SRD5A3: variants seen among roughly 807,000 people sequenced by gnomAD.
The protein encoded by SRD5A3 is polyprenal reductase.
A neutral mutation model predicts 34.3 loss-of-function variants in SRD5A3; 24 were observed. That is an observed-to-expected ratio of 0.70 (90% CI 0.51 to 0.99). The LOEUF (loss-of-function observed/expected upper bound fraction) is 0.99, where lower values mean the gene tolerates loss of function less well. SRD5A3 is among the 50% of genes least tolerant of loss of function. The pLI is 0.00. For missense variants in SRD5A3, 350 were observed against 388.2 expected, an observed-to-expected ratio of 0.90 and a Z score of 0.83; for synonymous variants, 161 against 167.3, an observed-to-expected ratio of 0.96 and a Z score of 0.29.
At chr4:55,360,478 G>A (rs576208217) in intron 2 of SRD5A3, among the ~76,000 whole-genome samples, 1 of 151,512 alleles carries the variant, frequency 6.6e-6, no homozygotes, top group Admixed American at 6.6e-5. Context: ...TGCACTCCAC[G>A]CCTGGGCAAC....
At chr4:55,360,616 G>A (rs1178065643) in intron 2 of SRD5A3, among the ~76,000 whole-genome samples, 1 of 151,886 alleles carries the variant, frequency 6.6e-6, no homozygotes, top group Non-Finnish European at 1.5e-5. Context: ...TGACTAAACA[G>A]TTGTTGAACA....
intron 2 of SRD5A3, among the ~76,000 whole-genome samples, chr4:55,362,553 C>T (rs1461995934): frequency 6.6e-6 from 1 of 151,930 alleles, no homozygotes; most frequent in Non-Finnish European, 1.5e-5. Flanking sequence ...CTCCTGGGCT[C>T]GAGCAGTCCT....
chr4:55,367,823 G>A (rs1169999780), intron 4 of SRD5A3, 101 bp downstream of exon 4: 5 of 1,469,204 alleles, frequency 3.4e-6, no homozygotes, highest in Non-Finnish European at 3.8e-6. Context: ...TTAGTTGACT[G>A]TATCAAATAT....
At chr4:55,354,151 C>T (rs1719331676) in intron 1 of SRD5A3, among the ~76,000 whole-genome samples, 1 of 152,150 alleles carries the variant, frequency 6.6e-6, no homozygotes, top group African/African-American at 2.4e-5. Flanking sequence ...GGCTGGAGTG[C>T]AGTGGCGCAA....
At chr4:55,366,122 T>C (rs536351911) in intron 3 of SRD5A3, among the ~76,000 whole-genome samples, 101 of 152,326 alleles carry the variant, frequency 6.6e-4, no homozygotes, top group African/African-American at 2.4e-3. Context: ...AAACAAATAA[T>C]TAAATACTGA....
chr4:55,367,189 A>T (rs1369078584), intron 3 of SRD5A3: 3 of 256,898 alleles, frequency 1.2e-5, no homozygotes, highest in African/African-American at 6.7e-5. Flanking sequence ...AAGAAGACTT[A>T]AAACTGGACT....
chr4:55,365,147 A>G (rs1378543168), intron 3 of SRD5A3, among the ~76,000 whole-genome samples: 1 of 151,678 alleles, frequency 6.6e-6, no homozygotes, highest in African/African-American at 2.4e-5. Context: ...GTCAGTCTAG[A>G]CCCCGTAGGT....
Position 55,370,105 on chromosome 4 carries a change from AT to A in SRD5A3, c.*15del. On this transcript the variant is annotated 3_prime_UTR_variant, in exon 5 of 5. Coordinates refer to ENST00000264228, the MANE Select transcript of SRD5A3 (RefSeq NM_024592.5). ...TTTTTGTTTTAAGTTAACCTCAGTC[AT>A]GAAGAATGCAAACCAGGTGATGGTT... 6.2e-7 allele frequency: 1 copy of A among 1,612,490 alleles called. No individual in the cohort carries two copies.
chr4:55,361,226 C>T (rs1719674609), intron 2 of SRD5A3, among the ~76,000 whole-genome samples: 2 of 152,012 alleles, frequency 1.3e-5, no homozygotes, highest in Admixed American at 6.6e-5. Flanking sequence ...TCATGCCTCT[C>T]ATCCCAGCAC....
intron 1 of SRD5A3, chr4:55,359,050 G>A: frequency 5.1e-6 from 2 of 391,676 alleles, no homozygotes; most frequent in East Asian, 6.1e-5. Flanking sequence ...GTCCAATTCT[G>A]TTACCCAGCA....
At chr4:55,362,590 G>T (rs1250894508) in intron 2 of SRD5A3, among the ~76,000 whole-genome samples, 1 of 151,690 alleles carries the variant, frequency 6.6e-6, no homozygotes, top group Non-Finnish European at 1.5e-5. Context: ...GAGTAGTTGG[G>T]ACTACAGGTG....
chr4:55,361,517 G>A (rs924899281), intron 2 of SRD5A3, among the ~76,000 whole-genome samples: 5 of 150,758 alleles, frequency 3.3e-5, no homozygotes, highest in Non-Finnish European at 5.9e-5. Flanking sequence ...AAACCCTGCC[G>A]GGAACAGTGG....
chr4:55,373,008 A>G lies in SRD5A3; in HGVS notation c.*2917A>G, dbSNP rs1720182393. ...ATATTTAGTTTAAGGAGACTGCAAC[A>G]TTTGCATAAGGTGCCTAAAAACTCA... On this transcript the variant is annotated 3_prime_UTR_variant, in exon 5 of 5. Transcript: ENST00000264228. 6.6e-6 allele frequency: 1 copy of G among 152,156 alleles called. No homozygotes were observed. The highest frequency in any genetic ancestry group is 1.5e-5 in the Non-Finnish European group (1 of 68,030). 9.4% of individuals were successfully genotyped at this position (152,156 alleles called of 1,614,324 possible).
chr4:55,352,015 T>C, intron 1 of SRD5A3: 1 of 766,196 alleles, frequency 1.3e-6, no homozygotes, highest in South Asian at 1.3e-5. Context: ...TACATGGTAA[T>C]CCTTCAAATC....
At chr4:55,346,672 T>C (rs1344883534) in intron 1 of SRD5A3, 115 bp downstream of exon 1, 3 of 1,019,894 alleles carry the variant, frequency 2.9e-6, no homozygotes, top group Non-Finnish European at 4.0e-6. Flanking sequence ...TGGGAGGCCC[T>C]GGCGGGTTCC....
In SRD5A3 at chr4:55,371,994, A is replaced by G. The variant is rs1265788833; in HGVS notation, c.*1903A>G. On this transcript the variant is annotated 3_prime_UTR_variant, in exon 5 of 5. Transcript: ENST00000264228. ...TTGGAAAGTTCTTACAACAATTCTG[A>G]TGGAGGATTTTCTCTCCCATCAACC... The G allele has an allele frequency of 6.6e-6, 1 of 152,202 alleles. No homozygotes were observed. Among genetic ancestry groups the G allele is most frequent in the Non-Finnish European group, 1.5e-5 (1 of 68,038 alleles). 9.4% of individuals were successfully genotyped at this position (152,202 alleles called of 1,614,324 possible). A position where few individuals can be genotyped will look rare whatever the true frequency, so the allele number is the denominator to read the frequency against.
intron 2 of SRD5A3, among the ~76,000 whole-genome samples, chr4:55,362,603 C>T (rs1053251836): frequency 6.6e-6 from 1 of 151,370 alleles, no homozygotes; most frequent in African/African-American, 2.4e-5. Context: ...TACAGGTGCA[C>T]GCCACTATGC....
chr4:55,366,276 C>G (rs1719895003), intron 3 of SRD5A3, among the ~76,000 whole-genome samples: 1 of 152,178 alleles, frequency 6.6e-6, no homozygotes, highest in South Asian at 2.1e-4. Flanking sequence ...CTTCCAGACA[C>G]TGTAACTTTT....
In SRD5A3 at chr4:55,372,989, A is replaced by C. The variant is rs1183795285; in HGVS notation, c.*2898A>C. On this transcript the variant is annotated 3_prime_UTR_variant, in exon 5 of 5. Transcript: ENST00000264228. ...TTTGTATGTAGCTTAATAGATATTT[A>C]GTTTAAGGAGACTGCAACATTTGCA... is the stretch of plus-strand genomic sequence containing the variant. 18 of 152,094 alleles carry C rather than the reference A, an allele frequency of 1.2e-4. No homozygotes were observed. The highest frequency in any genetic ancestry group is 1.2e-3 in the Admixed American group (18 of 15,276). 9.4% of individuals were successfully genotyped at this position (152,094 alleles called of 1,614,324 possible).
Sources: gnomAD v4.1 joint callset for allele counts (sites outside exome capture counted in the v4.1 genomes callset) on GRCh38, gnomAD v4.1.1 for gene constraint, MANE v1.5 for transcripts, NCBI Gene and HGNC (gene_info 2026-07-23, HGNC 2026-07-21) for gene names.